Variants in FRMPD4 observed in about 807,000 individuals in gnomAD.
FRMPD4 encodes FERM and PDZ domain-containing protein 4.
In FRMPD4, 22 loss-of-function variants were observed where a neutral mutation model predicts 94.1. The observed-to-expected ratio is 0.23, with a 90% confidence interval of 0.17 to 0.33. The LOEUF is 0.33. Among genes scored for constraint, FRMPD4 ranks in the 10% least tolerant of loss-of-function variants. The pLI is 1.00. For missense variants in FRMPD4, 1,111 were observed against 1,339.9 expected (o/e 0.83, Z 2.67); for synonymous variants, 631 against 548.6 (o/e 1.15, Z -2.10).
chrX:12,036,615 AAAAT>A (rs1389724293), intron 3 of FRMPD4, among the ~76,000 whole-genome samples: 2 of 112,025 alleles, frequency 1.8e-5, no homozygotes, highest in Non-Finnish European at 3.8e-5. Context: ...AAAATTCAAT[AAAAT>A]AAGTAATTAT....
chrX:12,623,621 G>A (rs1276626376), intron 4 of FRMPD4, among the ~76,000 whole-genome samples: 15 of 91,733 alleles, frequency 1.6e-4, no homozygotes, highest in Non-Finnish European at 3.2e-4. Flanking sequence ...TGGCTGAAAC[G>A]TCCTAAATCT....
chrX:12,690,380 C>A, intron 8 of FRMPD4, 54 bp downstream of exon 8: 7 of 1,092,804 alleles, frequency 6.4e-6, no homozygotes, highest in Non-Finnish European at 8.7e-6. Context: ...GCAGAGGTTG[C>A]CCAGTCCAAG....
intron 1 of FRMPD4, among the ~76,000 whole-genome samples, chrX:11,833,964 T>C (rs1391536993): frequency 8.9e-6 from 1 of 111,817 alleles, no homozygotes; most frequent in Non-Finnish European, 1.9e-5. Context: ...AGAAAGACTG[T>C]GTGGAACAAA....
At chrX:12,441,585 C>A (rs2057136999) in intron 1 of FRMPD4, among the ~76,000 whole-genome samples, 1 of 111,791 alleles carries the variant, frequency 8.9e-6, no homozygotes, top group African/African-American at 3.3e-5. Context: ...TTTGCCACTG[C>A]CTTCTGCATT....
chrX:12,232,827 A>T lies in FRMPD4; in HGVS notation c.41+93815A>T, dbSNP rs750971179. Among the ~76,000 whole-genome samples, 122 of 111,907 alleles carry T rather than the reference A, an allele frequency of 1.1e-3. 1 individual carries two copies. The highest frequency in any genetic ancestry group is 3.9e-3 in the African/African-American group (120 of 30,837). ...TCTGAGACACAAGGACAAATAAGAG[A>T]TTCCTTGCCTTCAGGGAGCTAACAG... On this transcript the variant is annotated intron_variant, in intron 1 of 16. Transcript: ENST00000675598.
At chrX:12,536,654 G>T (rs2058342315) in intron 2 of FRMPD4, among the ~76,000 whole-genome samples, 1 of 112,081 alleles carries the variant, frequency 8.9e-6, no homozygotes, top group Non-Finnish European at 1.9e-5. Context: ...CAGCAGAACA[G>T]TTCTGTGTGT....
Position 12,717,205 on chromosome X carries a change from G to A in FRMPD4, c.2674+72G>A, listed in dbSNP as rs150997780. ...CATCCTTCCAAGCCATTTGCCCCTG[G>A]AGTCCTGTTACGTGGTGTTCTCCAT... On this transcript the variant is annotated intron_variant, in intron 15 of 16. Transcript: ENST00000675598. The A allele has an allele frequency of 1.5e-3, 1,045 of 689,811 alleles. 5 individuals are homozygous for A. In the African/African-American group the frequency reaches 0.02, roughly 13 times the overall value. 56.8% of individuals were successfully genotyped at this position (689,811 alleles called of 1,213,427 possible).
At chrX:12,249,695 A>G (rs2054006603) in intron 1 of FRMPD4, among the ~76,000 whole-genome samples, 1 of 112,010 alleles carries the variant, frequency 8.9e-6, no homozygotes, top group Non-Finnish European at 1.9e-5. Flanking sequence ...AACCAGAAGT[A>G]TACTGAGAGA....
chrX:12,093,358 C>T (rs1185170403), intron 3 of FRMPD4, among the ~76,000 whole-genome samples: 2 of 110,786 alleles, frequency 1.8e-5, no homozygotes, highest in Non-Finnish European at 3.8e-5. Flanking sequence ...CTTGAGATTC[C>T]CTTCCCTCCT....
intron 3 of FRMPD4, among the ~76,000 whole-genome samples, chrX:11,972,158 T>C: frequency 8.9e-6 from 1 of 112,384 alleles, no homozygotes; most frequent in Non-Finnish European, 1.9e-5. Context: ...ATTCCCTTTA[T>C]CACTTAAGCC....
At chrX:12,469,451 C>T (rs982815325) in intron 1 of FRMPD4, among the ~76,000 whole-genome samples, 4 of 111,316 alleles carry the variant, frequency 3.6e-5, no homozygotes, top group African/African-American at 1.3e-4. Flanking sequence ...AGGGTTTCAC[C>T]GTTTGCCCAG....
chrX:11,833,314 A>T (rs1349251577), intron 1 of FRMPD4, among the ~76,000 whole-genome samples: 2 of 112,455 alleles, frequency 1.8e-5, no homozygotes, highest in African/African-American at 3.2e-5. Context: ...ATCTGTGTGC[A>T]GGTTTTGTGT....
chrX:12,596,539 A>G (rs992695660), intron 2 of FRMPD4, among the ~76,000 whole-genome samples: 5 of 109,729 alleles, frequency 4.6e-5, no homozygotes, highest in African/African-American at 1.7e-4. Flanking sequence ...GGGTCTGAAC[A>G]ACTAAGTCCT....
intron 4 of FRMPD4, among the ~76,000 whole-genome samples, chrX:12,644,675 G>A (rs995250153): frequency 5.4e-5 from 6 of 111,615 alleles, no homozygotes; most frequent in African/African-American, 2.0e-4. Context: ...CAAGCTCTAG[G>A]CCACCCCAAC....
chrX:12,672,468 G>A (rs138421601), intron 4 of FRMPD4, among the ~76,000 whole-genome samples: 64 of 112,417 alleles, frequency 5.7e-4, no homozygotes, highest in Middle Eastern at 9.3e-3. Flanking sequence ...GGTAGTAACT[G>A]CACAAATGTA....
chrX:12,490,182 A>G (rs770320863), intron 1 of FRMPD4, among the ~76,000 whole-genome samples: 1 of 110,880 alleles, frequency 9.0e-6, no homozygotes, highest in Non-Finnish European at 1.9e-5. Context: ...ACCTTGCAAA[A>G]TTTACCTCTC....
chrX:12,543,729 A>C (rs968988306), intron 2 of FRMPD4, among the ~76,000 whole-genome samples: 1 of 111,144 alleles, frequency 9.0e-6, no homozygotes, highest in Non-Finnish European at 1.9e-5. Context: ...CAGCCATCCC[A>C]TTACTGGGTA....
At chrX:12,684,143 C>T (rs2059998506) in intron 6 of FRMPD4, among the ~76,000 whole-genome samples, 1 of 111,980 alleles carries the variant, frequency 8.9e-6, no homozygotes, top group African/African-American at 3.3e-5. Flanking sequence ...TGATAGAAAT[C>T]ATGATTACTC....
intron 1 of FRMPD4, among the ~76,000 whole-genome samples, chrX:11,833,994 A>G (rs1332781273): frequency 8.9e-6 from 1 of 111,873 alleles, no homozygotes; most frequent in Non-Finnish European, 1.9e-5. Flanking sequence ...GAACTGGGAC[A>G]TGCATCTTGA....
Sources: gnomAD v4.1 joint callset for allele counts (sites outside exome capture counted in the v4.1 genomes callset) on GRCh38, gnomAD v4.1.1 for gene constraint, MANE v1.5 for transcripts, NCBI Gene and HGNC (gene_info 2026-07-23, HGNC 2026-07-21) for gene names.